The following AGBL1 variants were observed in gnomAD, a reference collection of about 807,000 sequenced individuals.
AGBL1 encodes the protein cytosolic carboxypeptidase 4.
A neutral mutation model predicts 118.9 loss-of-function variants in AGBL1; 130 were observed. That is an observed-to-expected ratio of 1.09 (90% CI 0.95 to 1.26). The LOEUF is 1.26. Among genes scored for constraint, AGBL1 ranks in the 50% most tolerant of loss-of-function variants. The pLI is 0.00. For missense variants in AGBL1, 1,584 were observed against 1,298.1 expected (o/e 1.22, Z -3.38); for synonymous variants, 555 against 478.9 (o/e 1.16, Z -2.08).
intron 16 of AGBL1, among the ~76,000 whole-genome samples, chr15:86,292,659 C>T (rs2079566052): frequency 1.3e-5 from 2 of 152,026 alleles, no homozygotes. Context: ...GGCTTAAAGG[C>T]AGATATTTTA....
At chr15:86,482,562 A>C (rs1028139590) in intron 18 of AGBL1, among the ~76,000 whole-genome samples, 1 of 152,094 alleles carries the variant, frequency 6.6e-6, no homozygotes. Context: ...AACAAACTGC[A>C]CTGAAACCCT....
intron 18 of AGBL1, among the ~76,000 whole-genome samples, chr15:86,468,226 A>T (rs1444100795): frequency 1.3e-5 from 2 of 152,194 alleles, no homozygotes; most frequent in East Asian, 3.9e-4. Context: ...TTAGACAGGC[A>T]TTCAAGTCCT....
At chr15:86,187,526 T>C (rs1487466212) in intron 5 of AGBL1, among the ~76,000 whole-genome samples, 1 of 152,198 alleles carries the variant, frequency 6.6e-6, no homozygotes, top group Admixed American at 6.5e-5. Context: ...CCTAAGCAAC[T>C]TTCTTAATGC....
intron 21 of AGBL1, among the ~76,000 whole-genome samples, chr15:86,585,600 A>T (rs2084235002): frequency 2.0e-5 from 3 of 152,124 alleles, no homozygotes; most frequent in Non-Finnish European, 4.4e-5. Context: ...TCCTGTTCTC[A>T]GGCAATCCTC....
intron 21 of AGBL1, among the ~76,000 whole-genome samples, chr15:86,666,157 T>C (rs949386193): frequency 6.6e-6 from 1 of 152,184 alleles, no homozygotes; most frequent in African/African-American, 2.4e-5. Flanking sequence ...AGAATCGATA[T>C]TGCATGGTCC....
At chr15:86,155,556 AC>A (rs1480390953) in intron 4 of AGBL1, among the ~76,000 whole-genome samples, 5 of 152,342 alleles carry the variant, frequency 3.3e-5, no homozygotes, top group Admixed American at 6.5e-5. Flanking sequence ...CCATATGGAA[AC>A]TTTTTATTAA....
chr15:86,820,865 A>G (rs2078932797), intron 22 of AGBL1, among the ~76,000 whole-genome samples: 1 of 152,222 alleles, frequency 6.6e-6, no homozygotes, highest in Non-Finnish European at 1.5e-5. Context: ...ATTCTACTTT[A>G]AAGACACATG....
chr15:86,718,939 C>A (rs143271121), intron 22 of AGBL1, among the ~76,000 whole-genome samples: 2 of 152,090 alleles, frequency 1.3e-5, no homozygotes, highest in Non-Finnish European at 2.9e-5. Context: ...GGAATCCCTG[C>A]GTCTGGTACT....
intron 22 of AGBL1, among the ~76,000 whole-genome samples, chr15:86,718,001 C>A (rs142104295): frequency 2.0e-5 from 3 of 152,146 alleles, no homozygotes; most frequent in African/African-American, 7.2e-5. Flanking sequence ...TCACTTGAAC[C>A]TGGGAGGTGG....
chr15:86,647,599 G>T (rs975006502), intron 21 of AGBL1, among the ~76,000 whole-genome samples: 6 of 152,172 alleles, frequency 3.9e-5, no homozygotes, highest in Non-Finnish European at 7.3e-5. Context: ...TACTCGGAAG[G>T]CTGAGACAGG....
chr15:86,278,895 A>G (rs2079301934), intron 15 of AGBL1, among the ~76,000 whole-genome samples: 1 of 152,178 alleles, frequency 6.6e-6, no homozygotes. Context: ...TTCATCTTTG[A>G]CAAAGGAAAA....
intron 22 of AGBL1, among the ~76,000 whole-genome samples, chr15:86,692,006 C>G (rs181865370): frequency 6.6e-6 from 1 of 152,020 alleles, no homozygotes; most frequent in African/African-American, 2.4e-5. Flanking sequence ...CAATTTGAGG[C>G]TTGTCCCTCT....
chr15:86,258,153 TCCAGTGGTCGTG>T, intron 9 of AGBL1, 122 bp downstream of exon 9: 1 of 936,092 alleles, frequency 1.1e-6, no homozygotes. Context: ...GTACTGCCAC[TCCAGTGGTCGTG>T]ATGCGCAGTA....
Position 86,143,739 on chromosome 15 carries a change from C to G in AGBL1, c.156C>G (p.Gly52=), listed in dbSNP as rs1435109487. Residue 52 remains glycine (G), a synonymous_variant, in exon 3 of 23, where the codon GGC becomes GGG. Transcript: ENST00000614907. The part of the protein sequence containing the change: ...RRIHYMISKG[G]SEALLQTLVD... ...TTCACTACATGATCAGCAAGGGTGGCAGTGAAGCTCTTCTGCAGACCCTGG... is the reference window on the plus strand; with the variant it reads ...TTCACTACATGATCAGCAAGGGTGGGAGTGAAGCTCTTCTGCAGACCCTGG... 5 of 1,613,754 alleles carry G rather than the reference C, an allele frequency of 3.1e-6. No individual in the cohort carries two copies. The highest frequency in any genetic ancestry group is 3.4e-6 in the Non-Finnish European group (4 of 1,179,792).
At chr15:86,714,679 T>C (rs1335677605) in intron 22 of AGBL1, among the ~76,000 whole-genome samples, 4 of 152,178 alleles carry the variant, frequency 2.6e-5, no homozygotes, top group Non-Finnish European at 5.9e-5. Flanking sequence ...TGGAGTAAAG[T>C]CGTGACCTTG....
intron 22 of AGBL1, among the ~76,000 whole-genome samples, chr15:86,733,605 T>C (rs966949837): frequency 6.6e-6 from 1 of 152,196 alleles, no homozygotes; most frequent in Non-Finnish European, 1.5e-5. Context: ...TGGTTTGTTG[T>C]TGTTGTTGTA....
At chr15:86,541,616 A>AAAAGAG (rs1555423985) in intron 19 of AGBL1, among the ~76,000 whole-genome samples, 5 of 97,080 alleles carry the variant, frequency 5.2e-5, no homozygotes, top group African/African-American at 1.3e-4. Context: ...AAAAAAAAAA[A>AAAAGAG]AGAGAGAGAG....
At chr15:86,284,181 A>AG in intron 16 of AGBL1, among the ~76,000 whole-genome samples, 1 of 106,522 alleles carries the variant, frequency 9.4e-6, no homozygotes, top group African/African-American at 3.5e-5. Flanking sequence ...AATTCATACT[A>AG]AAATTAAAAT....
At chr15:86,353,815 T>C (rs183136441) in intron 17 of AGBL1, among the ~76,000 whole-genome samples, 18 of 152,182 alleles carry the variant, frequency 1.2e-4, no homozygotes, top group Admixed American at 1.0e-3. Context: ...GGAGCAGACA[T>C]CTCAAAAAAC....
Sources: gnomAD v4.1 joint callset for allele counts (sites outside exome capture counted in the v4.1 genomes callset) on GRCh38, gnomAD v4.1.1 for gene constraint, MANE v1.5 for transcripts, NCBI Gene and HGNC (gene_info 2026-07-23, HGNC 2026-07-21) for gene names.